ZNF678: variants seen among roughly 807,000 people sequenced by gnomAD.
ZNF678 encodes hypothetical protein MGC42493.
ZNF678 carries 5 observed loss-of-function variants against 3.0 expected under a neutral mutation model. That is an observed-to-expected ratio of 1.69 (90% CI 0.88 to 3.56). The LOEUF is 3.56. Ranked by LOEUF, ZNF678 falls within the 30% of genes most tolerant of loss-of-function variation. ZNF678 has a pLI of 0.00. For missense variants in ZNF678, 593 were observed against 605.0 expected (o/e 0.98, Z 0.21); for synonymous variants, 218 against 199.6 (o/e 1.09, Z -0.78).
chr1:227,624,163 A>G (rs1012426910), intron 1 of ZNF678, among the ~76,000 whole-genome samples: 7 of 152,238 alleles, frequency 4.6e-5, no homozygotes, highest in African/African-American at 1.4e-4. Flanking sequence ...AGTCATGGAC[A>G]ACAATCACTT....
intron 1 of ZNF678, among the ~76,000 whole-genome samples, chr1:227,578,103 C>T (rs1422317850): frequency 6.6e-6 from 1 of 152,116 alleles, no homozygotes; most frequent in Non-Finnish European, 1.5e-5. Context: ...GTTGAGAGGT[C>T]CACTTTTAGT....
At chr1:227,627,489 C>T (rs968414970) in intron 1 of ZNF678, among the ~76,000 whole-genome samples, 1 of 152,110 alleles carries the variant, frequency 6.6e-6, no homozygotes, top group South Asian at 2.1e-4. Flanking sequence ...ATTTCCCTTT[C>T]TTTTCCTTTC....
downstream of ZNF678, among the ~76,000 whole-genome samples, chr1:227,677,821 A>G (rs1395465475): frequency 1.3e-5 from 2 of 152,242 alleles, no homozygotes; most frequent in East Asian, 3.8e-4. Flanking sequence ...AACATAGAAT[A>G]GGTAACTCTG....
chr1:227,677,119 C>T (rs1255692668), intron 5 of ZNF678: 2 of 152,174 alleles, frequency 1.3e-5, no homozygotes, highest in Non-Finnish European at 2.9e-5. Flanking sequence ...AATGGTTGAA[C>T]TAGAATCAAT....
At chr1:227,641,004 AT>A (rs1658806749) in intron 1 of ZNF678, among the ~76,000 whole-genome samples, 1 of 152,170 alleles carries the variant, frequency 6.6e-6, no homozygotes, top group Non-Finnish European at 1.5e-5. Flanking sequence ...CCAACGTTGG[AT>A]TTTCAGACCG....
intron 1 of ZNF678, among the ~76,000 whole-genome samples, chr1:227,569,683 T>C (rs1437063016): frequency 6.6e-6 from 1 of 151,072 alleles, no homozygotes; most frequent in Non-Finnish European, 1.5e-5. Flanking sequence ...TAGTTTAAGC[T>C]ATTTCTTGGT....
At chr1:227,568,214 C>T (rs191402359) in intron 1 of ZNF678, among the ~76,000 whole-genome samples, 1 of 152,040 alleles carries the variant, frequency 6.6e-6, no homozygotes, top group African/African-American at 2.4e-5. Flanking sequence ...GCTAGATGAC[C>T]CTACTGCTCA....
Position 227,587,383 on chromosome 1 carries a change from C to T in ZNF678, c.-164+23659C>T, listed in dbSNP as rs549620065. Among the ~76,000 whole-genome samples, 7 of 152,172 alleles carry T rather than the reference C, an allele frequency of 4.6e-5. No homozygotes were observed. In the East Asian group the frequency reaches 1.2e-3, roughly 25 times the overall value. On this transcript the variant is annotated intron_variant, in intron 1 of 3. Transcript: ENST00000343776. ...CAAAAGACATACCCAGGGCAGTAGC[C>T]GTTAAACCACTCCTGCTGTTCCAAG...
intron 1 of ZNF678, among the ~76,000 whole-genome samples, chr1:227,590,482 T>C (rs1248777832): frequency 6.6e-6 from 1 of 151,820 alleles, no homozygotes; most frequent in Non-Finnish European, 1.5e-5. Flanking sequence ...AGCATGTTAA[T>C]GGGGGTTGGG....
chr1:227,581,177 T>C (rs184321630), intron 1 of ZNF678, among the ~76,000 whole-genome samples: 74 of 151,986 alleles, frequency 4.9e-4, no homozygotes, highest in African/African-American at 1.5e-3. Context: ...ATCCTGTCAA[T>C]TGCTAAGAAA....
At chr1:227,585,912 G>C (rs1304432238) in intron 1 of ZNF678, among the ~76,000 whole-genome samples, 1 of 152,120 alleles carries the variant, frequency 6.6e-6, no homozygotes, top group African/African-American at 2.4e-5. Flanking sequence ...AAACAGAAAT[G>C]ATCACTAAAT....
chr1:227,645,955 G>A (rs1448556691), intron 1 of ZNF678, among the ~76,000 whole-genome samples: 1 of 152,200 alleles, frequency 6.6e-6, no homozygotes, highest in Admixed American at 6.5e-5. Context: ...TAATTTGGAA[G>A]TTCTCCTTCT....
chr1:227,614,261 T>C (rs1373290491), intron 1 of ZNF678, among the ~76,000 whole-genome samples: 1 of 152,242 alleles, frequency 6.6e-6, no homozygotes, highest in Non-Finnish European at 1.5e-5. Context: ...TTTGATTTTA[T>C]CCCTTTGTTG....
intron 1 of ZNF678, among the ~76,000 whole-genome samples, chr1:227,644,491 A>C (rs1399844812): frequency 6.6e-6 from 1 of 152,176 alleles, no homozygotes; most frequent in Non-Finnish European, 1.5e-5. Flanking sequence ...GGTGGTCTTC[A>C]CTTTGGATCA....
At chr1:227,587,746 T>A (rs1326587405) in intron 1 of ZNF678, among the ~76,000 whole-genome samples, 1 of 151,794 alleles carries the variant, frequency 6.6e-6, no homozygotes, top group Non-Finnish European at 1.5e-5. Context: ...GAGCTTCTCC[T>A]CCATGCCTTC....
chr1:227,581,869 C>A (rs1039189372), intron 1 of ZNF678, among the ~76,000 whole-genome samples: 33 of 152,322 alleles, frequency 2.2e-4, no homozygotes, highest in African/African-American at 7.7e-4. Context: ...ATTTACATTT[C>A]CACCAGCAGC....
At chr1:227,662,732 T>G (rs1659436752), downstream of ZNF678, among the ~76,000 whole-genome samples, 1 of 152,192 alleles carries the variant, frequency 6.6e-6, no homozygotes, top group African/African-American at 2.4e-5. Context: ...GGAGGCTGGA[T>G]GTAGGGAACC....
chr1:227,588,031 G>A (rs1202721633), intron 1 of ZNF678, among the ~76,000 whole-genome samples: 1 of 151,808 alleles, frequency 6.6e-6, no homozygotes, highest in African/African-American at 2.4e-5. Context: ...CCCCCAACAT[G>A]TTCATGTTTT....
chr1:227,607,074 A>G (rs1657890505), intron 1 of ZNF678, among the ~76,000 whole-genome samples: 1 of 152,254 alleles, frequency 6.6e-6, no homozygotes, highest in Admixed American at 6.5e-5. Context: ...TGGCAGAATT[A>G]TCAGTGATGC....
Sources: gnomAD v4.1 joint callset for allele counts (sites outside exome capture counted in the v4.1 genomes callset) on GRCh38, gnomAD v4.1.1 for gene constraint, MANE v1.5 for transcripts, NCBI Gene and HGNC (gene_info 2026-07-23, HGNC 2026-07-21) for gene names.